The following PUDP variants were observed in gnomAD, a reference collection of about 807,000 sequenced individuals.
PUDP encodes the protein pseudouridine-5'-phosphatase.
PUDP carries 8 observed loss-of-function variants against 9.4 expected under a neutral mutation model. The observed-to-expected ratio is 0.85, with a 90% CI of 0.50 to 1.53. The LOEUF is 1.53. Ranked by LOEUF, PUDP falls within the 40% of genes most tolerant of loss-of-function variation. The pLI, the probability that PUDP is intolerant of heterozygous loss-of-function variation, is 0.00. For synonymous variants in PUDP, 99 were observed against 80.7 expected, an observed-to-expected ratio of 1.23 and a Z score of -1.22; for missense variants, 188 against 189.7, an observed-to-expected ratio of 0.99 and a Z score of 0.05.
chrX:7,059,332 G>A (rs868748409), intron 3 of PUDP, among the ~76,000 whole-genome samples: 1 of 111,840 alleles, frequency 8.9e-6, no homozygotes, highest in Admixed American at 9.5e-5. Flanking sequence ...CAGATGCCGC[G>A]TCCACCAATC....
chrX:7,138,409 A>T (rs1195936882), intron 1 of PUDP, among the ~76,000 whole-genome samples: 2 of 107,381 alleles, frequency 1.9e-5, no homozygotes, highest in Non-Finnish European at 3.8e-5. Context: ...ATCTAGCTCT[A>T]CTGCCCAGGC....
intron 3 of PUDP, among the ~76,000 whole-genome samples, chrX:6,813,973 G>T (rs776992268): frequency 9.0e-6 from 1 of 111,403 alleles, no homozygotes; most frequent in South Asian, 3.8e-4. Context: ...GGAGTGAAAC[G>T]CATTGGCTCA....
intron 3 of PUDP, among the ~76,000 whole-genome samples, chrX:6,761,668 T>C (rs190085160): frequency 2.8e-3 from 312 of 112,071 alleles, no homozygotes; most frequent in Non-Finnish European, 4.8e-3. Flanking sequence ...AGGATTTTTC[T>C]TAAAGAACAG....
chrX:7,043,848 A>G (rs1169486777), intron 1 of PUDP, among the ~76,000 whole-genome samples: 1 of 111,999 alleles, frequency 8.9e-6, no homozygotes, highest in Non-Finnish European at 1.9e-5. Context: ...AGCAATGGAT[A>G]TAACACCTCG....
At chrX:6,898,106 C>T (rs1927619518) in intron 3 of PUDP, among the ~76,000 whole-genome samples, 1 of 111,965 alleles carries the variant, frequency 8.9e-6, no homozygotes, top group African/African-American at 3.2e-5. Flanking sequence ...TCTGCTGTCA[C>T]AGCCACCTGC....
intron 3 of PUDP, among the ~76,000 whole-genome samples, chrX:6,958,017 A>G (rs1366264294): frequency 1.8e-5 from 2 of 112,195 alleles, no homozygotes; most frequent in African/African-American, 3.2e-5. Flanking sequence ...ACATAAATTT[A>G]ATTTACTCAG....
intron 3 of PUDP, among the ~76,000 whole-genome samples, chrX:6,833,283 A>C (rs1267704968): frequency 1.8e-5 from 2 of 111,864 alleles, no homozygotes; most frequent in Non-Finnish European, 3.8e-5. Context: ...GAATGGATGG[A>C]TGGGATGGAT....
intron 3 of PUDP, among the ~76,000 whole-genome samples, chrX:6,824,543 C>T (rs781720524): frequency 3.6e-5 from 4 of 111,340 alleles, no homozygotes; most frequent in Non-Finnish European, 7.5e-5. Flanking sequence ...GGTTCAAAGG[C>T]CCCTGACACC....
chrX:6,857,098 C>T (rs1227683502), intron 3 of PUDP, among the ~76,000 whole-genome samples: 1 of 112,464 alleles, frequency 8.9e-6, no homozygotes, highest in Non-Finnish European at 1.9e-5. Context: ...AGGTTAAAAT[C>T]TGAGGAAATT....
intron 3 of PUDP, among the ~76,000 whole-genome samples, chrX:6,827,185 C>A (rs1359920193): frequency 8.9e-6 from 1 of 111,894 alleles, no homozygotes; most frequent in Non-Finnish European, 1.9e-5. Flanking sequence ...AGTGTAAATC[C>A]TTCTGGATTG....
intron 3 of PUDP, among the ~76,000 whole-genome samples, chrX:6,908,069 C>T (rs937508975): frequency 8.9e-6 from 1 of 112,237 alleles, no homozygotes; most frequent in Non-Finnish European, 1.9e-5. Flanking sequence ...AGCTTTGGGG[C>T]AAACAGCCAC....
At chrX:6,750,975 C>G (rs919660434) in intron 3 of PUDP, among the ~76,000 whole-genome samples, 4 of 109,744 alleles carry the variant, frequency 3.6e-5, no homozygotes, top group African/African-American at 9.9e-5. Flanking sequence ...CCGTCTCTAG[C>G]AAAAATACAA....
At chrX:6,898,836 T>C (rs1284188980) in intron 3 of PUDP, among the ~76,000 whole-genome samples, 2 of 112,246 alleles carry the variant, frequency 1.8e-5, no homozygotes, top group African/African-American at 3.2e-5. Flanking sequence ...GCAAGAACAC[T>C]GAAAGGAGGT....
Position 6,979,074 on chromosome X carries a change from A to G in PUDP, c.205-731T>C, listed in dbSNP as rs111433132. On this transcript the variant is annotated intron_variant and NMD_transcript_variant, in intron 1 of 3. Coordinates refer to the PUDP transcript ENST00000655425. ...CTCGATTAAAATTATTTTAATTAATACCTAATGTTATATAATGCTATAACA... is the reference window on the plus strand; with the variant it reads ...CTCGATTAAAATTATTTTAATTAATGCCTAATGTTATATAATGCTATAACA... 4.0e-3 allele frequency among the ~76,000 whole-genome samples: 453 copies of G among 112,083 alleles called. 3 individuals carry two copies. Among genetic ancestry groups the G allele is most frequent in the African/African-American group, 0.014 (437 of 30,866 alleles).
chrX:6,801,263 G>A (rs1221799632), intron 3 of PUDP, among the ~76,000 whole-genome samples: 1 of 112,371 alleles, frequency 8.9e-6, no homozygotes, highest in Non-Finnish European at 1.9e-5. Context: ...TGTGCCAAGG[G>A]TTTAAAAACC....
At chrX:7,083,265 C>T (rs752015363) in intron 2 of PUDP, among the ~76,000 whole-genome samples, 10 of 112,023 alleles carry the variant, frequency 8.9e-5, no homozygotes, top group Non-Finnish European at 1.5e-4. Flanking sequence ...GCAGAACAGA[C>T]ACTGCCAGGT....
intron 3 of PUDP, among the ~76,000 whole-genome samples, chrX:6,916,237 CACACACACA>C (rs1569122778): frequency 9.5e-5 from 9 of 94,575 alleles, no homozygotes; most frequent in African/African-American, 4.0e-4. Flanking sequence ...CACACACACA[CACACACACA>C]CACCCTGGGG....
intron 3 of PUDP, among the ~76,000 whole-genome samples, chrX:6,738,084 G>A: frequency 1.8e-5 from 2 of 111,366 alleles, no homozygotes; most frequent in Middle Eastern, 4.7e-3. Context: ...GAAAACCTTG[G>A]ACAATGCTAG....
intron 3 of PUDP, among the ~76,000 whole-genome samples, chrX:6,862,947 T>C (rs1927024952): frequency 8.9e-6 from 1 of 111,971 alleles, no homozygotes; most frequent in Non-Finnish European, 1.9e-5. Flanking sequence ...GTAACCTCAT[T>C]TTAAAAAGTA....
Sources: gnomAD v4.1 joint callset for allele counts (sites outside exome capture counted in the v4.1 genomes callset) on GRCh38, gnomAD v4.1.1 for gene constraint, MANE v1.5 for transcripts, NCBI Gene and HGNC (gene_info 2026-07-23, HGNC 2026-07-21) for gene names.